Variants in CAP2 observed in about 807,000 individuals in gnomAD.
CAP2 encodes adenylyl cyclase-associated protein 2.
A neutral mutation model predicts 57.7 loss-of-function variants in CAP2; 24 were observed. That is an observed-to-expected ratio of 0.42 (90% CI 0.30 to 0.58). CAP2 has a LOEUF of 0.58. Ranked by LOEUF, CAP2 falls within the 20% of genes least tolerant of loss-of-function variation. The pLI, the probability that CAP2 is intolerant of heterozygous loss-of-function variation, is 0.22. For missense variants in CAP2, 501 were observed against 590.3 expected (o/e 0.85, Z 1.57); for synonymous variants, 194 against 207.2 (o/e 0.94, Z 0.55).
At chr6:17,470,440 CA>C (rs1760988065) in intron 4 of CAP2, among the ~76,000 whole-genome samples, 1 of 152,188 alleles carries the variant, frequency 6.6e-6, no homozygotes, top group African/African-American at 2.4e-5. Context: ...AAAAAGTCCC[CA>C]AATCTCAAAG....
At chr6:17,537,180 G>GTTGTT (rs1213671276) in intron 7 of CAP2, among the ~76,000 whole-genome samples, 3 of 152,188 alleles carry the variant, frequency 2.0e-5, no homozygotes, top group East Asian at 1.9e-4. Flanking sequence ...AGCGTGTTGT[G>GTTGTT]TTGTTTTGTT....
At chr6:17,426,383 C>T (rs1450012254) in intron 2 of CAP2, among the ~76,000 whole-genome samples, 2 of 151,804 alleles carry the variant, frequency 1.3e-5, no homozygotes, top group Admixed American at 6.6e-5. Flanking sequence ...TTAAAGATGC[C>T]TACCACCACA....
At chr6:17,480,952 ATTTTT>A (rs59581120) in intron 4 of CAP2, among the ~76,000 whole-genome samples, 1 of 70,722 alleles carries the variant, frequency 1.4e-5, no homozygotes, top group East Asian at 4.6e-4. Context: ...CTAATTTTGT[ATTTTT>A]TTTTTTTTTT....
chr6:17,521,685 G>A (rs1395308202), intron 7 of CAP2, among the ~76,000 whole-genome samples: 2 of 152,150 alleles, frequency 1.3e-5, no homozygotes, highest in Non-Finnish European at 2.9e-5. Context: ...TAGAACAGGG[G>A]GAGCAGTGTG....
chr6:17,539,169 C>G, intron 7 of CAP2, 100 bp from the exon 8 acceptor site: 1 of 1,104,286 alleles, frequency 9.1e-7, no homozygotes, highest in Non-Finnish European at 1.3e-6. Flanking sequence ...AGGCTTCAAC[C>G]CCACTCTCTC....
chr6:17,529,651 A>AT lies in CAP2; in HGVS notation c.637-9618_637-9617insT, dbSNP rs1554129489. Among the ~76,000 whole-genome samples, 806 of 134,520 alleles carry AT rather than the reference A, an allele frequency of 6.0e-3. 11 individuals carry two copies. The highest frequency in any genetic ancestry group is 0.013 in the East Asian group (65 of 4,960). 88.3% of individuals were successfully genotyped at this position (134,520 alleles called of 152,430 possible). ...GCAAGACTCCGTCTCAAAAAAAAAA[A>AT]ATATATATATATATATATATGTATA... On this transcript the variant is annotated intron_variant, in intron 7 of 12. Coordinates refer to ENST00000229922, the MANE Select transcript of CAP2 (RefSeq NM_006366.3).
intron 4 of CAP2, among the ~76,000 whole-genome samples, chr6:17,505,400 C>T (rs1282138147): frequency 1.3e-5 from 2 of 152,166 alleles, no homozygotes; most frequent in Non-Finnish European, 2.9e-5. Context: ...GGGTGTGAAG[C>T]CACCGCTGCA....
chr6:17,405,105 G>A (rs1360378827), intron 1 of CAP2, among the ~76,000 whole-genome samples: 6 of 152,234 alleles, frequency 3.9e-5, no homozygotes, highest in East Asian at 1.9e-4. Context: ...ATATAAGGCC[G>A]GGTGTAGTGG....
intron 7 of CAP2, among the ~76,000 whole-genome samples, chr6:17,518,678 C>A (rs899071577): frequency 4.6e-5 from 7 of 151,884 alleles, no homozygotes; most frequent in Non-Finnish European, 1.0e-4. Context: ...CACTGTGACA[C>A]CCAGGCTGGA....
At chr6:17,523,318 CA>C (rs1361018429) in intron 7 of CAP2, among the ~76,000 whole-genome samples, 5 of 152,004 alleles carry the variant, frequency 3.3e-5, no homozygotes, top group Non-Finnish European at 7.4e-5. Context: ...AGGGAAATCG[CA>C]AGGAGGAGCT....
chr6:17,503,432 C>T (rs948824229), intron 4 of CAP2, among the ~76,000 whole-genome samples: 4 of 152,082 alleles, frequency 2.6e-5, no homozygotes, highest in East Asian at 1.9e-4. Flanking sequence ...ACCAAAACCC[C>T]GTCTCTTCTA....
chr6:17,490,886 C>T (rs922086270), intron 4 of CAP2, among the ~76,000 whole-genome samples: 1 of 152,310 alleles, frequency 6.6e-6, no homozygotes, highest in East Asian at 1.9e-4. Flanking sequence ...TGAAGCTGCC[C>T]TTGTGCCCTT....
chr6:17,461,866 G>A (rs903942591), intron 3 of CAP2, among the ~76,000 whole-genome samples: 32 of 150,708 alleles, frequency 2.1e-4, no homozygotes, highest in Middle Eastern at 3.4e-3. Flanking sequence ...GGTGGCGGGC[G>A]CCTGTAGTCC....
rs1763341926 is a variant in CAP2 at position 17,557,516 on chromosome 6, C to T, written c.*1074C>T. The T allele has an allele frequency of 6.6e-6, 1 of 152,124 alleles. No individual in the cohort carries two copies. Among genetic ancestry groups the T allele is most frequent in the Non-Finnish European group, 1.5e-5 (1 of 68,024 alleles). 9.4% of individuals were successfully genotyped at this position (152,124 alleles called of 1,614,324 possible). ...GTACATAGTGCTGAAAAATCTGCAA[C>T]TTCTTGGATCATATTTAATGAATTA... On this transcript the variant is annotated 3_prime_UTR_variant, in exon 13 of 13. Transcript: ENST00000229922.
At chr6:17,512,187 C>G (rs531323765) in intron 6 of CAP2, among the ~76,000 whole-genome samples, 69 of 152,008 alleles carry the variant, frequency 4.5e-4, no homozygotes, top group Middle Eastern at 3.4e-3. Flanking sequence ...GCCAGGAGTT[C>G]GAGACCAGCC....
intron 1 of CAP2, among the ~76,000 whole-genome samples, chr6:17,409,297 A>G (rs577551304): frequency 1.3e-5 from 2 of 151,892 alleles, no homozygotes; most frequent in South Asian, 4.2e-4. Flanking sequence ...ACCTGCGCCC[A>G]GGAAGCGGAT....
At chr6:17,394,078 C>T (rs1163023725) in intron 1 of CAP2, among the ~76,000 whole-genome samples, 1 of 149,936 alleles carries the variant, frequency 6.7e-6, no homozygotes, top group African/African-American at 2.4e-5. Flanking sequence ...TGGCGGGCGG[C>T]CGCGGCCTCC....
Position 17,513,781 on chromosome 6 carries a change from C to T in CAP2, c.531-68C>T. On this transcript the variant is annotated intron_variant, in intron 6 of 12. Transcript: ENST00000229922. This position sits in a 1 kb window ranked among gnomAD's most constrained non-coding sequence, Gnocchi z 4.3. ...CTAGTCACTAGATAACCATGTGCCC[C>T]CACAATTTTTTTAAAATTTTATTTT... 1 of 1,100,972 alleles carries T rather than the reference C, an allele frequency of 9.1e-7. No homozygotes were observed. Among genetic ancestry groups the T allele is most frequent in the South Asian group, 1.3e-5 (1 of 77,552 alleles). The allele number at this position is 1,100,972 out of a possible 1,614,324, so 68.2% of individuals were successfully genotyped here. A position where few individuals can be genotyped will look rare whatever the true frequency, so the allele number is the denominator to read the frequency against.
At chr6:17,469,933 G>A (rs1760974812) in intron 4 of CAP2, among the ~76,000 whole-genome samples, 1 of 152,312 alleles carries the variant, frequency 6.6e-6, no homozygotes. Flanking sequence ...AAGCCTAGCG[G>A]CAGTGATCTT....
Sources: gnomAD v4.1 joint callset for allele counts (sites outside exome capture counted in the v4.1 genomes callset) on GRCh38, gnomAD v4.1.1 for gene constraint, Gnocchi (gnomAD v3.1) non-coding constraint, MANE v1.5 for transcripts, NCBI Gene and HGNC (gene_info 2026-07-23, HGNC 2026-07-21) for gene names.